SUSD4: variants seen among roughly 807,000 people sequenced by gnomAD.
SUSD4 encodes sushi domain-containing protein 4.
In SUSD4, 41 loss-of-function variants were observed where a neutral mutation model predicts 50.5. That is an observed-to-expected ratio of 0.81 (90% CI 0.63 to 1.05). The LOEUF is 1.05. Ranked by LOEUF, SUSD4 falls within the 50% of genes least tolerant of loss-of-function variation. The pLI is 0.00. For missense variants in SUSD4, 580 were observed against 634.7 expected, an observed-to-expected ratio of 0.91 and a Z score of 0.93; for synonymous variants, 257 against 257.3, an observed-to-expected ratio of 1.00 and a Z score of 0.01.
intron 5 of SUSD4, among the ~76,000 whole-genome samples, chr1:223,249,546 TA>T (rs1661163327): frequency 6.6e-6 from 1 of 152,170 alleles, no homozygotes; most frequent in African/African-American, 2.4e-5. Flanking sequence ...AGGAAATACA[TA>T]ATTGAGTAGT....
rs760101365 is a variant in SUSD4, at chr1:223,292,589, T to C, written c.211A>G (p.Ser71Gly). Residue 71 changes from serine to glycine, a missense_variant, in exon 3 of 9, where the codon AGC becomes GGC. By Grantham distance (56) the Ser-to-Gly change is moderately conservative (BLOSUM62 0). Coordinates refer to ENST00000366878, the MANE Select transcript of SUSD4 (RefSeq NM_017982.4). ...GAGCCTTCAAAGAAAACCCCTCCGCTGGGGGTCCTGAAGCCATTCTCGGGA... is the reference window on the plus strand; with the variant it reads ...GAGCCTTCAAAGAAAACCCCTCCGCCGGGGGTCCTGAAGCCATTCTCGGGA... ...GIPENGFRTPSGGVFFEGSVA... is the reference protein window; with the variant it reads ...GIPENGFRTPGGGVFFEGSVA... The C allele has an allele frequency of 1.9e-6, 3 of 1,614,070 alleles. No homozygotes were observed. The Admixed American group carries it at 5.0e-5, about 27-fold the overall frequency.
intron 3 of SUSD4, among the ~76,000 whole-genome samples, chr1:223,272,632 A>C (rs191864494): frequency 1.2e-3 from 179 of 152,360 alleles, no homozygotes; most frequent in African/African-American, 4.1e-3. Flanking sequence ...AAGTTTTGAC[A>C]TTAATACTCC....
intron 3 of SUSD4, chr1:223,289,125 G>A: frequency 1.0e-6 from 1 of 985,418 alleles, no homozygotes. Flanking sequence ...GTACTTACTA[G>A]GTCAGCAGCC....
At chr1:223,295,123 G>T (rs116504964) in intron 2 of SUSD4, among the ~76,000 whole-genome samples, 1 of 152,180 alleles carries the variant, frequency 6.6e-6, no homozygotes, top group Non-Finnish European at 1.5e-5. Flanking sequence ...TTAGGAAGAG[G>T]TCTAAGACAT....
At position 223,363,308 on chromosome 1, in the gene SUSD4, G is replaced by A. The variant is rs1472572005; in HGVS notation, c.118C>T (p.Leu40=). The A allele has an allele frequency of 5.0e-6, 8 of 1,610,142 alleles. No individual in the cohort carries two copies. The highest frequency in any genetic ancestry group is 6.8e-6 in the Non-Finnish European group (8 of 1,178,504). ...LAVILWFQLA[L]CFGPAQLTGG... is the part of the protein sequence containing the mutation. ...GTGAGCTGTGCAGGGCCGAAGCACA[G>A]CGCCAGCTGAAACCACAGGATCACG... The change falls in exon 2 of 9, where the codon CTG becomes TTG. Residue 40 remains leucine, a synonymous_variant. Coordinates refer to ENST00000366878, the MANE Select transcript of SUSD4 (RefSeq NM_017982.4).
chr1:223,237,602 T>A (rs1037058923), intron 5 of SUSD4, among the ~76,000 whole-genome samples: 1 of 152,042 alleles, frequency 6.6e-6, no homozygotes, highest in Non-Finnish European at 1.5e-5. Context: ...TCTGCATATA[T>A]TGAAATGATT....
intron 2 of SUSD4, among the ~76,000 whole-genome samples, chr1:223,343,265 GCAC>G (rs1254777740): frequency 6.6e-6 from 1 of 152,094 alleles, no homozygotes; most frequent in Non-Finnish European, 1.5e-5. Context: ...CCTTCCTTGA[GCAC>G]CCCGCCCAGC....
chr1:223,360,131 A>G, intron 2 of SUSD4: 1 of 458,412 alleles, frequency 2.2e-6, no homozygotes, highest in Non-Finnish European at 4.5e-6. Context: ...CCAAGTCCTG[A>G]GACCCCAAAG....
chr1:223,228,511 A>C (rs1414745611), intron 6 of SUSD4, among the ~76,000 whole-genome samples: 1 of 152,158 alleles, frequency 6.6e-6, no homozygotes, highest in Non-Finnish European at 1.5e-5. Flanking sequence ...TGGGAAGGAG[A>C]CAGTGGGTGT....
chr1:223,260,757 G>A lies in SUSD4; in HGVS notation c.724+3873C>T, dbSNP rs114744964. Among the ~76,000 whole-genome samples, 765 of 152,336 alleles carry A rather than the reference G, an allele frequency of 5.0e-3. 14 individuals are homozygous for A. The highest frequency in any genetic ancestry group is 0.017 in the African/African-American group (714 of 41,574). Reference sequence around the variant, plus strand: ...CAGAATCTTCCCACTATCCATGAGTGCAATAGTGCAGGCCTTAAAACATGC... The same window carrying A: ...CAGAATCTTCCCACTATCCATGAGTACAATAGTGCAGGCCTTAAAACATGC... On this transcript the variant is annotated intron_variant, in intron 5 of 8. Coordinates refer to ENST00000366878, the MANE Select transcript of SUSD4 (RefSeq NM_017982.4).
chr1:223,247,932 T>C (rs1226108781), intron 5 of SUSD4, among the ~76,000 whole-genome samples: 2 of 152,190 alleles, frequency 1.3e-5, no homozygotes, highest in Non-Finnish European at 2.9e-5. Context: ...TAAATTGTCA[T>C]GGTATCTGGT....
intron 5 of SUSD4, among the ~76,000 whole-genome samples, chr1:223,258,223 T>C (rs777333401): frequency 2.0e-5 from 3 of 152,204 alleles, no homozygotes; most frequent in Non-Finnish European, 4.4e-5. Flanking sequence ...GTGTTTTGAC[T>C]CAGGAACAAA....
chr1:223,304,891 G>A (rs1051327623), intron 2 of SUSD4, among the ~76,000 whole-genome samples: 5 of 128,320 alleles, frequency 3.9e-5, no homozygotes, highest in African/African-American at 1.2e-4. Context: ...GTTCCCCGAA[G>A]AATGAAAACA....
intron 2 of SUSD4, among the ~76,000 whole-genome samples, chr1:223,343,449 G>A (rs923245667): frequency 1.3e-5 from 2 of 152,124 alleles, no homozygotes; most frequent in African/African-American, 2.4e-5. Flanking sequence ...TGTGCAGCAC[G>A]ATGGTGAAAA....
chr1:223,268,359 T>A (rs1662666616), intron 4 of SUSD4, 143 bp downstream of exon 4: 1 of 1,091,950 alleles, frequency 9.2e-7, no homozygotes, highest in East Asian at 2.7e-5. Context: ...GTAGTAAAGA[T>A]GCAACTGGAT....
intron 5 of SUSD4, among the ~76,000 whole-genome samples, chr1:223,254,355 AG>A (rs1484643175): frequency 6.6e-6 from 1 of 152,274 alleles, no homozygotes; most frequent in East Asian, 1.9e-4. Flanking sequence ...ACCTCAGTCT[AG>A]ATCTCTGCAC....
chr1:223,308,429 C>T (rs1244863009), intron 2 of SUSD4, among the ~76,000 whole-genome samples: 5 of 152,106 alleles, frequency 3.3e-5, no homozygotes, highest in African/African-American at 4.8e-5. Flanking sequence ...CCCAGAAGCC[C>T]AGCAGAGGCT....
In SUSD4 at chr1:223,336,184, C is replaced by T. The variant is rs575968848; in HGVS notation, c.148+27094G>A. ...GGTCAGGCTGGTCTCGAACTCCTGACCTCAGATGATCTGCCCGCCTTGGCC... is the reference window on the plus strand; with the variant it reads ...GGTCAGGCTGGTCTCGAACTCCTGATCTCAGATGATCTGCCCGCCTTGGCC... On this transcript the variant is annotated intron_variant, in intron 2 of 8. Transcript: ENST00000366878. Among the ~76,000 whole-genome samples, 5 of 152,194 alleles carry T rather than the reference C, an allele frequency of 3.3e-5. No individual in the cohort carries two copies. The South Asian group carries it at 8.3e-4, about 25-fold the overall frequency.
chr1:223,229,534 T>C lies in SUSD4; in HGVS notation c.725-146A>G, dbSNP rs2102999952. The C allele has an allele frequency of 1.4e-6, 1 of 734,696 alleles. No individual in the cohort carries two copies. The highest frequency in any genetic ancestry group is 2.8e-5 in the East Asian group (1 of 36,222). The allele number at this position is 734,696 out of a possible 1,614,324, so 45.5% of individuals were successfully genotyped here. A position where few individuals can be genotyped will look rare whatever the true frequency, so the allele number is the denominator to read the frequency against. On this transcript the variant is annotated intron_variant, in intron 5 of 8. Coordinates refer to ENST00000366878, the MANE Select transcript of SUSD4 (RefSeq NM_017982.4). The surrounding 1 kb of genome is among the most constrained non-coding windows in gnomAD (Gnocchi z 4.7). Reference sequence around the variant, plus strand: ...GGCTACTGAGTTGCATTAGAGATGGTCTCTTTTTTAGTATTTCATGGAAGG... The same window carrying C: ...GGCTACTGAGTTGCATTAGAGATGGCCTCTTTTTTAGTATTTCATGGAAGG...
Sources: allele counts gnomAD v4.1 joint callset (sites outside exome capture counted in the v4.1 genomes callset), GRCh38; gene constraint gnomAD v4.1.1; non-coding constraint Gnocchi (gnomAD v3.1); transcripts MANE v1.5; gene names NCBI Gene and HGNC (gene_info 2026-07-23, HGNC 2026-07-21).